Variants in SMYD1 observed in about 807,000 individuals in gnomAD.
SMYD1 encodes SET and MYND domain containing 1.
A neutral mutation model predicts 54.0 loss-of-function variants in SMYD1; 49 were observed. The ratio of observed to expected loss-of-function variants is 0.91; its 90% CI spans 0.72 to 1.15. The LOEUF (loss-of-function observed/expected upper bound fraction) is 1.15. Ranked by LOEUF, SMYD1 falls within the 50% of genes most tolerant of loss-of-function variation. The pLI is 0.00. For missense variants in SMYD1, 653 were observed against 639.6 expected, an observed-to-expected ratio of 1.02 and a Z score of -0.23; for synonymous variants, 269 against 234.2, an observed-to-expected ratio of 1.15 and a Z score of -1.36.
At chr2:88,082,442 A>T (rs1457737795) in intron 1 of SMYD1, 1 of 152,586 alleles carries the variant, frequency 6.6e-6, no homozygotes, top group East Asian at 1.9e-4. Context: ...GAAGCCCAGG[A>T]TGTAGCATAG....
intron 1 of SMYD1, among the ~76,000 whole-genome samples, chr2:88,068,733 T>G (rs1673886068): frequency 6.6e-6 from 1 of 152,114 alleles, no homozygotes; most frequent in Admixed American, 6.6e-5. Flanking sequence ...CTATAGATAC[T>G]TCTTTTAAAT....
rs1272258930 is a variant in SMYD1, at chr2:88,084,368, C to T, written c.190C>T (p.Arg64Cys). 15 of 1,593,854 alleles carry T rather than the reference C, an allele frequency of 9.4e-6. No individual in the cohort carries two copies. Among genetic ancestry groups the T allele is most frequent in the South Asian group, 3.3e-5 (3 of 90,326 alleles). ...CTTCAAGAGGCAGGAGAAGCTCCAT[C>T]GCTGTGGGCAGTGCAAGTTTGCCCA... ...TCFKRQEKLH[R>C]CGQCKFAHYC... Residue 64 changes from arginine (R) to cysteine (C), a missense_variant, in exon 2 of 10, where the codon CGC (arginine) becomes TGC (cysteine). Physicochemically the swap from Arg to Cys is radical, Grantham distance 180. Transcript: ENST00000419482.
chr2:88,103,047 C>G lies in SMYD1; in HGVS notation c.889-11C>G, dbSNP rs767417250. ...AAGGCATCTCTAGCTCAATGTGTCTCTCTTTCCCAGCCCTCTCAGGAAGTG... is the reference window on the plus strand; with the variant it reads ...AAGGCATCTCTAGCTCAATGTGTCTGTCTTTCCCAGCCCTCTCAGGAAGTG... On this transcript the variant is annotated splice_polypyrimidine_tract_variant and intron_variant, in intron 6 of 9. Transcript: ENST00000419482. The G allele has an allele frequency of 6.2e-6, 10 of 1,613,174 alleles. No individual in the cohort carries two copies. The highest frequency in any genetic ancestry group is 8.5e-6 in the Non-Finnish European group (10 of 1,179,304).
At chr2:88,073,353 T>C (rs1673990515) in intron 1 of SMYD1, among the ~76,000 whole-genome samples, 1 of 152,204 alleles carries the variant, frequency 6.6e-6, no homozygotes, top group Non-Finnish European at 1.5e-5. Context: ...CTACTGTGGA[T>C]AGTGCTGTGA....
chr2:88,107,654 C>A (rs557523339), intron 8 of SMYD1, among the ~76,000 whole-genome samples: 39 of 152,352 alleles, frequency 2.6e-4, no homozygotes, highest in African/African-American at 9.1e-4. Context: ...GGGCGCCCCT[C>A]CCCCAGCCTC....
Position 88,096,510 on chromosome 2 carries a change from C to T in SMYD1, c.699-85C>T, listed in dbSNP as rs114329603. 11,003 of 1,218,398 alleles carry T rather than the reference C, an allele frequency of 9.0e-3. 63 individuals carry two copies. Among genetic ancestry groups the T allele is most frequent in the Non-Finnish European group, 0.011 (9,758 of 862,702 alleles). 75.5% of individuals were successfully genotyped at this position (1,218,398 alleles called of 1,614,324 possible). The stretch of plus-strand genomic sequence containing the variant: ...TCAGTGAAAGTCATTGTCTTTGAGA[C>T]CCAACTCCATGAAGCCTTGGAGAGC... On this transcript the variant is annotated intron_variant, in intron 5 of 9. Transcript: ENST00000419482.
rs140233342 is a variant in SMYD1, at chr2:88,109,382, G to A, written c.1314+843G>A. ...CTCCAGGTTGAGTTCCAGCTTCACC[G>A]CTTTCTGGTTGTGTGATTTTGCAAA... On this transcript the variant is annotated intron_variant, in intron 9 of 9. Transcript: ENST00000419482. Among the ~76,000 whole-genome samples, 480 of 152,196 alleles carry A rather than the reference G, an allele frequency of 3.2e-3. 5 individuals carry two copies. Among genetic ancestry groups the A allele is most frequent in the African/African-American group, 0.01 (430 of 41,528 alleles).
At chr2:88,108,319 C>A in intron 8 of SMYD1, 52 bp from the exon 9 acceptor site, 2 of 1,448,270 alleles carry the variant, frequency 1.4e-6, no homozygotes, top group Admixed American at 2.4e-5. Flanking sequence ...AAATTAAGTG[C>A]AGATATAAGG....
chr2:88,103,757 C>T (rs1294954900), intron 7 of SMYD1, among the ~76,000 whole-genome samples: 1 of 152,028 alleles, frequency 6.6e-6, no homozygotes, highest in Non-Finnish European at 1.5e-5. Flanking sequence ...CACTGGCCTG[C>T]GGGGTATTTG....
At chr2:88,074,599 A>G (rs1674019596) in intron 1 of SMYD1, among the ~76,000 whole-genome samples, 1 of 152,236 alleles carries the variant, frequency 6.6e-6, no homozygotes. Flanking sequence ...AATTTTCTAG[A>G]TTGATCCAAT....
At position 88,108,381 on chromosome 2, in the gene SMYD1, C is replaced by A; in HGVS notation, c.1156C>A (p.His386Asn). 1 of 1,589,310 alleles carries A rather than the reference C, an allele frequency of 6.3e-7. No homozygotes were observed. Among genetic ancestry groups the A allele is most frequent in the Non-Finnish European group, 8.5e-7 (1 of 1,169,732 alleles). The change falls in exon 9 of 10, where the codon CAC (histidine) becomes AAC (asparagine). Residue 386 changes from histidine to asparagine, a missense_variant. By Grantham distance (68) the His-to-Asn change is moderately conservative. Coordinates refer to ENST00000419482, the MANE Select transcript of SMYD1 (RefSeq NM_198274.4). ...GCTATGCTCCCACAGGAAGCTCTAC[C>A]ACCCCAACAATGCCCAACTGGGCAT... ...RMVDGYMKLY[H>N]PNNAQLGMAV...
chr2:88,088,516 A>G (rs1674391042), intron 3 of SMYD1, among the ~76,000 whole-genome samples: 1 of 151,758 alleles, frequency 6.6e-6, no homozygotes, highest in African/African-American at 2.4e-5. Context: ...CTCATCCTGG[A>G]CTCTGTCTTC....
At chr2:88,106,982 C>T (rs536206832) in intron 8 of SMYD1, among the ~76,000 whole-genome samples, 6 of 152,226 alleles carry the variant, frequency 3.9e-5, no homozygotes, top group African/African-American at 1.2e-4. Flanking sequence ...GGGAGGATCA[C>T]GAGGTGGGGA....
At chr2:88,094,495 G>C (rs1002942512) in intron 5 of SMYD1, among the ~76,000 whole-genome samples, 32 of 152,176 alleles carry the variant, frequency 2.1e-4, no homozygotes, top group African/African-American at 7.5e-4. Context: ...TGGTTGGAGG[G>C]AGAGCCAGGG....
At chr2:88,109,260 G>A (rs1374847133) in intron 9 of SMYD1, among the ~76,000 whole-genome samples, 2 of 89,244 alleles carry the variant, frequency 2.2e-5, no homozygotes, top group African/African-American at 4.5e-5. Context: ...AATGGGGTGT[G>A]CATGTGTGCG....
chr2:88,085,863 G>A (rs1369898988), intron 2 of SMYD1, among the ~76,000 whole-genome samples: 10 of 152,178 alleles, frequency 6.6e-5, no homozygotes, highest in Non-Finnish European at 1.5e-4. Flanking sequence ...AGGAGAAATC[G>A]GGAAGATGAA....
At chr2:88,107,469 C>T (rs1674905724) in intron 8 of SMYD1, among the ~76,000 whole-genome samples, 1 of 152,192 alleles carries the variant, frequency 6.6e-6, no homozygotes, top group African/African-American at 2.4e-5. Flanking sequence ...CTTGACCTTC[C>T]TACCACTTTT....
chr2:88,108,663 C>G, intron 9 of SMYD1, 124 bp downstream of exon 9: 1 of 952,594 alleles, frequency 1.0e-6, no homozygotes, highest in South Asian at 2.2e-5. Context: ...AAAGGGAACT[C>G]AGAAACGCTT....
rs78045442 is a variant in SMYD1 at position 88,096,564 on chromosome 2, C to T, written c.699-31C>T. 2.5e-3 allele frequency: 4,003 copies of T among 1,576,914 alleles called. 76 individuals are homozygous for T. In the East Asian group the frequency reaches 0.056, roughly 22 times the overall value. ...GATCCCATTCCAGTAGGCCTGGATT[C>T]GATTCACCTTTTCCTTTCACCCTGC... On this transcript the variant is annotated intron_variant, in intron 5 of 9. Coordinates refer to ENST00000419482, the MANE Select transcript of SMYD1 (RefSeq NM_198274.4).
Sources: gnomAD v4.1 joint callset for allele counts (sites outside exome capture counted in the v4.1 genomes callset) on GRCh38, gnomAD v4.1.1 for gene constraint, MANE v1.5 for transcripts, NCBI Gene and HGNC (gene_info 2026-07-23, HGNC 2026-07-21) for gene names.